Variants in NLGN1 observed in about 807,000 individuals in gnomAD.
NLGN1 encodes the protein neuroligin-1.
Under a neutral mutation model 65.5 loss-of-function variants are expected in NLGN1, and 12 were observed. That is an observed-to-expected ratio of 0.18 (90% CI 0.12 to 0.30). NLGN1 has a LOEUF of 0.30. Among genes scored for constraint, NLGN1 ranks in the 10% least tolerant of loss-of-function variants. NLGN1 has a pLI of 1.00. For missense variants in NLGN1, 750 were observed against 1,007.1 expected (o/e 0.74, Z 3.46); for synonymous variants, 350 against 359.5 (o/e 0.97, Z 0.30).
At chr3:173,590,623 G>T (rs960951849) in intron 2 of NLGN1, among the ~76,000 whole-genome samples, 17 of 152,106 alleles carry the variant, frequency 1.1e-4, no homozygotes, top group African/African-American at 4.1e-4. Flanking sequence ...AAATCGACTT[G>T]TGTTCTAGCC....
intron 2 of NLGN1, among the ~76,000 whole-genome samples, chr3:173,489,757 A>AC (rs1315680346): frequency 2.0e-5 from 3 of 151,610 alleles, no homozygotes; most frequent in African/African-American, 7.3e-5. Context: ...TTGTTTCCTG[A>AC]CTTTTTAATG....
chr3:173,874,634 G>A (rs1456545673), intron 4 of NLGN1, among the ~76,000 whole-genome samples: 1 of 152,178 alleles, frequency 6.6e-6, no homozygotes, highest in Non-Finnish European at 1.5e-5. Context: ...TTTTCAATTA[G>A]AGGTTAGTGA....
At chr3:173,498,590 A>G (rs74383241) in intron 2 of NLGN1, among the ~76,000 whole-genome samples, 72,435 of 151,594 alleles carry the variant, frequency 0.48, 19,978 homozygotes, top group East Asian at 0.81. Flanking sequence ...GACTGGGTCA[A>G]ATGGTATTTC....
intron 3 of NLGN1, among the ~76,000 whole-genome samples, chr3:173,794,144 T>C (rs1265419895): frequency 1.3e-5 from 2 of 152,094 alleles, no homozygotes; most frequent in Non-Finnish European, 2.9e-5. Context: ...TTACTCATCT[T>C]TCAGCCCTCA....
In NLGN1 at chr3:173,984,496, T is replaced by A. The variant is rs545469179; in HGVS notation, c.646+176664T>A. Among the ~76,000 whole-genome samples the A allele has an allele frequency of 3.7e-3, 562 of 152,288 alleles. 11 individuals carry two copies. Among genetic ancestry groups the A allele is most frequent in the Admixed American group, 0.035 (531 of 15,282 alleles). ...ATTCAAATTATTCTGTCTCTTTCTG[T>A]CTTGGAGATTCAAATTACTATGTCT... On this transcript the variant is annotated intron_variant, in intron 4 of 6. Transcript: ENST00000457714.
intron 4 of NLGN1, among the ~76,000 whole-genome samples, chr3:174,112,070 CA>C (rs1466182810): frequency 5.3e-5 from 8 of 151,568 alleles, no homozygotes; most frequent in Non-Finnish European, 1.0e-4. Context: ...CAGAATGACT[CA>C]AAAAATGTCA....
At chr3:173,845,239 T>G (rs1022287630) in intron 4 of NLGN1, among the ~76,000 whole-genome samples, 13 of 152,320 alleles carry the variant, frequency 8.5e-5, no homozygotes, top group African/African-American at 3.1e-4. Context: ...CCATAATGTG[T>G]AAGGTGAGTC....
chr3:174,173,788 C>T (rs892318276), intron 4 of NLGN1, among the ~76,000 whole-genome samples: 6 of 151,850 alleles, frequency 4.0e-5, no homozygotes, highest in Non-Finnish European at 8.8e-5. Context: ...CAAAGAAAAT[C>T]TACATTTTTA....
chr3:173,589,865 T>G (rs1050542182), intron 2 of NLGN1, among the ~76,000 whole-genome samples: 4 of 152,176 alleles, frequency 2.6e-5, no homozygotes, highest in African/African-American at 9.6e-5. Context: ...TGAAAATGAA[T>G]TGAAAATTGT....
At chr3:173,573,380 T>C (rs1744960400) in intron 2 of NLGN1, among the ~76,000 whole-genome samples, 1 of 152,026 alleles carries the variant, frequency 6.6e-6, no homozygotes, top group African/African-American at 2.4e-5. Context: ...TTATGATTAT[T>C]AAGTGTGCAT....
chr3:173,652,943 C>G (rs541004323), intron 3 of NLGN1, among the ~76,000 whole-genome samples: 1 of 152,100 alleles, frequency 6.6e-6, no homozygotes, highest in African/African-American at 2.4e-5. Context: ...TGTAGCTTCC[C>G]TTGTAGAGAT....
chr3:173,901,368 G>T (rs116547621), intron 4 of NLGN1, among the ~76,000 whole-genome samples: 4,629 of 150,346 alleles, frequency 0.031, 165 homozygotes, highest in African/African-American at 0.068. Context: ...TTTTTTTGGG[G>T]GGGTGTGTGT....
chr3:174,194,163 A>G (rs1040214477), intron 4 of NLGN1, among the ~76,000 whole-genome samples: 2 of 152,172 alleles, frequency 1.3e-5, no homozygotes, highest in Non-Finnish European at 2.9e-5. Flanking sequence ...TCAAAATTTA[A>G]GAAACAATCT....
chr3:173,826,782 T>C (rs186346609), intron 4 of NLGN1, among the ~76,000 whole-genome samples: 2 of 152,172 alleles, frequency 1.3e-5, no homozygotes, highest in African/African-American at 4.8e-5. Context: ...ATTATACTGG[T>C]AAATGCATTC....
At chr3:173,569,740 G>T (rs190660542) in intron 2 of NLGN1, among the ~76,000 whole-genome samples, 5 of 152,200 alleles carry the variant, frequency 3.3e-5, no homozygotes, top group African/African-American at 9.6e-5. Flanking sequence ...GGTCCTAGAA[G>T]TTTTAAGAGC....
intron 3 of NLGN1, among the ~76,000 whole-genome samples, chr3:173,640,094 C>T (rs978803211): frequency 5.9e-5 from 9 of 151,980 alleles, no homozygotes; most frequent in Admixed American, 2.0e-4. Flanking sequence ...TCAAGGACAA[C>T]GGGGTGCATA....
chr3:174,112,439 A>C (rs1715440373), intron 4 of NLGN1, among the ~76,000 whole-genome samples: 1 of 151,964 alleles, frequency 6.6e-6, no homozygotes, highest in African/African-American at 2.4e-5. Context: ...CAAGAAAAAA[A>C]ATGTGAGAGA....
chr3:174,037,257 G>A (rs1235025467), intron 4 of NLGN1, among the ~76,000 whole-genome samples: 1 of 152,094 alleles, frequency 6.6e-6, no homozygotes, highest in African/African-American at 2.4e-5. Context: ...AACCTCATCA[G>A]CATCTGTTAT....
chr3:173,745,535 A>G (rs920008848), intron 3 of NLGN1, among the ~76,000 whole-genome samples: 10 of 152,072 alleles, frequency 6.6e-5, no homozygotes, highest in African/African-American at 2.4e-4. Context: ...CAAACTTACA[A>G]ACACCCGTGT....
Sources: gnomAD v4.1 joint callset for allele counts (sites outside exome capture counted in the v4.1 genomes callset) on GRCh38, gnomAD v4.1.1 for gene constraint, MANE v1.5 for transcripts, NCBI Gene and HGNC (gene_info 2026-07-23, HGNC 2026-07-21) for gene names.